Variants in NUP35 observed in about 807,000 individuals in gnomAD.
NUP35 encodes nucleoporin NUP35.
In NUP35, 25 loss-of-function variants were observed where a neutral mutation model predicts 41.5. The observed-to-expected ratio is 0.60, with a 90% confidence interval of 0.44 to 0.84. NUP35 has a LOEUF of 0.84. NUP35 is among the 40% of genes least tolerant of loss of function. The pLI is 0.00. For synonymous variants in NUP35, 149 were observed against 130.7 expected, an observed-to-expected ratio of 1.14 and a Z score of -0.96; for missense variants, 396 against 396.6, an observed-to-expected ratio of 1.00 and a Z score of 0.01.
intron 4 of NUP35, among the ~76,000 whole-genome samples, chr2:183,142,870 C>G (rs987566411): frequency 1.5e-4 from 23 of 151,986 alleles, no homozygotes; most frequent in Middle Eastern, 3.4e-3. Flanking sequence ...GCATTCTCTT[C>G]TCTCAGCTGG....
chr2:183,124,419 A>G (rs1700116561), upstream of NUP35: 8 of 1,613,814 alleles, frequency 5.0e-6, no homozygotes, highest in Non-Finnish European at 6.8e-6. Flanking sequence ...TTGAAAATTA[A>G]TTGGGAAGGT....
At chr2:183,141,643 G>T (rs1020612596) in intron 4 of NUP35, among the ~76,000 whole-genome samples, 1 of 151,516 alleles carries the variant, frequency 6.6e-6, no homozygotes, top group Non-Finnish European at 1.5e-5. Flanking sequence ...GTTAATAATT[G>T]TTTTTTTTCT....
intron 3 of NUP35, chr2:183,131,030 A>G (rs766085607): frequency 2.2e-5 from 14 of 630,118 alleles, no homozygotes; most frequent in South Asian, 2.0e-4. Context: ...TGCCCAGGCT[A>G]GAGTGCAGCG....
chr2:183,129,170 A>G (rs1357768884), intron 2 of NUP35, among the ~76,000 whole-genome samples: 1 of 152,228 alleles, frequency 6.6e-6, no homozygotes, highest in Non-Finnish European at 1.5e-5. Flanking sequence ...TTCTGCCTTT[A>G]GTCTTAGTGA....
At chr2:183,153,679 G>C (rs1190534451) in intron 5 of NUP35, among the ~76,000 whole-genome samples, 1 of 152,114 alleles carries the variant, frequency 6.6e-6, no homozygotes, top group Non-Finnish European at 1.5e-5. Flanking sequence ...CCTCCCTCCT[G>C]GCTGTTTTCC....
Position 183,161,212 on chromosome 2 carries a change from T to C in NUP35, c.*81T>C. ...GTTCCTTCGGTTAGTTATATAACTG[T>C]TCCTGCAGTATTGGATAGCTATCTC... On this transcript the variant is annotated 3_prime_UTR_variant, in exon 9 of 9. Coordinates refer to ENST00000295119, the MANE Select transcript of NUP35 (RefSeq NM_138285.5). 1.1e-6 allele frequency: 1 copy of C among 942,594 alleles called. No homozygotes were observed. Among genetic ancestry groups the C allele is most frequent in the East Asian group, 2.5e-5 (1 of 39,700 alleles). The allele number at this position is 942,594 out of a possible 1,614,324, so 58.4% of individuals were successfully genotyped here. A position where few individuals can be genotyped will look rare whatever the true frequency, so the allele number is the denominator to read the frequency against.
At chr2:183,122,311 C>T (rs1011074236), upstream of NUP35, among the ~76,000 whole-genome samples, 1 of 151,826 alleles carries the variant, frequency 6.6e-6, no homozygotes, top group Admixed American at 6.6e-5. Context: ...CTCCTGACCT[C>T]GTGATCCGCC....
upstream of NUP35, among the ~76,000 whole-genome samples, chr2:183,120,453 A>AC (rs1176194893): frequency 6.6e-6 from 1 of 151,944 alleles, no homozygotes; most frequent in Non-Finnish European, 1.5e-5. Context: ...CTCAAAAAAA[A>AC]AAAAAAAAAA....
intron 3 of NUP35, among the ~76,000 whole-genome samples, chr2:183,131,865 A>G (rs1226252070): frequency 1.3e-5 from 2 of 152,170 alleles, no homozygotes; most frequent in East Asian, 3.8e-4. Context: ...TATTGTTCCT[A>G]ATGGATAGAT....
intron 4 of NUP35, among the ~76,000 whole-genome samples, chr2:183,151,287 A>G (rs1250087155): frequency 6.6e-6 from 1 of 152,218 alleles, no homozygotes; most frequent in East Asian, 1.9e-4. Context: ...ATAATTTATC[A>G]TACATAATAA....
chr2:183,142,550 C>T (rs2952359), intron 4 of NUP35, among the ~76,000 whole-genome samples: 27,935 of 151,514 alleles, frequency 0.18, 3,339 homozygotes, highest in African/African-American at 0.32. Flanking sequence ...GGCACAATCT[C>T]GGCTCACTGC....
intron 5 of NUP35, among the ~76,000 whole-genome samples, chr2:183,152,156 A>ACACACAG (rs56941373): frequency 0.04 from 5,552 of 139,646 alleles, 253 homozygotes; most frequent in East Asian, 0.12. Flanking sequence ...CACACACACA[A>ACACACAG]TGTCACAGGG....
rs1011813492 is a variant in NUP35, at chr2:183,148,545, A to G, written c.398-2963A>G. 2.6e-5 allele frequency among the ~76,000 whole-genome samples: 4 copies of G among 152,032 alleles called. 1 individual carries two copies. Among genetic ancestry groups the G allele is most frequent in the Non-Finnish European group, 5.9e-5 (4 of 68,010 alleles). On this transcript the variant is annotated intron_variant, in intron 4 of 8. Coordinates refer to ENST00000295119, the MANE Select transcript of NUP35 (RefSeq NM_138285.5). ...AGTTTTGAATTGCATTTCTCTGATG[A>G]TTTGTGATGTTGAGCATTTTTTCAT...
upstream of NUP35, chr2:183,124,337 A>C: frequency 6.3e-7 from 1 of 1,577,324 alleles, no homozygotes; most frequent in Non-Finnish European, 8.6e-7. Context: ...ACTTAAGCAT[A>C]GCGCAGGTCC....
intron 4 of NUP35, among the ~76,000 whole-genome samples, chr2:183,149,563 A>G (rs1276954319): frequency 6.6e-6 from 1 of 152,214 alleles, no homozygotes; most frequent in African/African-American, 2.4e-5. Flanking sequence ...CTGTACACTA[A>G]TAAGAGACTG....
intron 3 of NUP35, among the ~76,000 whole-genome samples, 159 bp downstream of exon 3, chr2:183,130,704 T>G (rs1414098809): frequency 6.6e-6 from 1 of 152,190 alleles, no homozygotes; most frequent in Admixed American, 6.5e-5. Flanking sequence ...CTACTTAAAT[T>G]GTGTTGATGA....
chr2:183,133,699 G>T, intron 4 of NUP35, 76 bp downstream of exon 4: 2 of 956,068 alleles, frequency 2.1e-6, no homozygotes, highest in Non-Finnish European at 1.5e-6. Context: ...GAGTGCAGTG[G>T]TGTGATCACG....
upstream of NUP35, among the ~76,000 whole-genome samples, chr2:183,122,942 C>G (rs1026168176): frequency 5.3e-5 from 8 of 152,114 alleles, no homozygotes; most frequent in Non-Finnish European, 1.0e-4. Flanking sequence ...TTAATCACCT[C>G]TACTGAATAT....
At chr2:183,138,258 TATATATA>T (rs1206005585) in intron 4 of NUP35, among the ~76,000 whole-genome samples, 2 of 47,682 alleles carry the variant, frequency 4.2e-5, no homozygotes, top group African/African-American at 2.1e-4. Context: ...TATATATATA[TATATATA>T]TATATTTTTT....
Sources: gnomAD v4.1 joint callset for allele counts (sites outside exome capture counted in the v4.1 genomes callset) on GRCh38, gnomAD v4.1.1 for gene constraint, MANE v1.5 for transcripts, NCBI Gene and HGNC (gene_info 2026-07-23, HGNC 2026-07-21) for gene names.